NAALADL2: variants seen among roughly 807,000 people sequenced by gnomAD.
NAALADL2 encodes inactive N-acetylated-alpha-linked acidic dipeptidase-like protein 2.
Under a neutral mutation model 87.2 loss-of-function variants are expected in NAALADL2, and 76 were observed. The ratio of observed to expected loss-of-function variants is 0.87; its 90% CI spans 0.72 to 1.05. The LOEUF is 1.05. Ranked by LOEUF, NAALADL2 falls within the 50% of genes least tolerant of loss-of-function variation. The pLI, the probability that NAALADL2 is intolerant of heterozygous loss-of-function variation, is 0.00. For synonymous variants in NAALADL2, 354 were observed against 331.0 expected, an observed-to-expected ratio of 1.07 and a Z score of -0.75; for missense variants, 1,089 against 945.8, an observed-to-expected ratio of 1.15 and a Z score of -1.99.
intron 10 of NAALADL2, among the ~76,000 whole-genome samples, chr3:175,582,140 A>G (rs978092772): frequency 6.6e-6 from 1 of 152,184 alleles, no homozygotes; most frequent in African/African-American, 2.4e-5. Flanking sequence ...CCTGTCATAA[A>G]GGAAGCCTGT....
At chr3:174,447,987 A>G (rs747023430) in intron 1 of NAALADL2, among the ~76,000 whole-genome samples, 5 of 152,148 alleles carry the variant, frequency 3.3e-5, no homozygotes, top group South Asian at 2.1e-4. Context: ...GCTGTTATCT[A>G]TCTGCTTTGG....
intron 2 of NAALADL2, among the ~76,000 whole-genome samples, chr3:174,586,228 C>T (rs1716705645): frequency 6.6e-6 from 1 of 152,148 alleles, no homozygotes; most frequent in African/African-American, 2.4e-5. Context: ...AAATTAACTT[C>T]TTTAGAGATG....
intron 2 of NAALADL2, among the ~76,000 whole-genome samples, chr3:175,195,355 A>G (rs1171714141): frequency 6.6e-6 from 1 of 151,798 alleles, no homozygotes; most frequent in African/African-American, 2.4e-5. Flanking sequence ...TTAATATATC[A>G]TATGTTGGAT....
At chr3:175,525,033 C>T (rs1295829982) in intron 9 of NAALADL2, among the ~76,000 whole-genome samples, 1 of 151,994 alleles carries the variant, frequency 6.6e-6, no homozygotes, top group Admixed American at 6.6e-5. Context: ...GTGCATGTAA[C>T]TGAACAATCT....
intron 3 of NAALADL2, among the ~76,000 whole-genome samples, chr3:174,755,100 C>T (rs1711860447): frequency 6.6e-6 from 1 of 152,164 alleles, no homozygotes; most frequent in Non-Finnish European, 1.5e-5. Flanking sequence ...GGCGGTTTCC[C>T]TCATGCTGTT....
intron 1 of NAALADL2, among the ~76,000 whole-genome samples, chr3:175,082,399 C>G (rs937998928): frequency 1.3e-5 from 2 of 152,094 alleles, no homozygotes; most frequent in African/African-American, 2.4e-5. Flanking sequence ...ACTAATTTGA[C>G]TATCATAAAA....
At chr3:175,476,589 T>C (rs1464713612) in intron 9 of NAALADL2, among the ~76,000 whole-genome samples, 1 of 152,154 alleles carries the variant, frequency 6.6e-6, no homozygotes, top group Non-Finnish European at 1.5e-5. Context: ...CAAAAAACAG[T>C]ATTTCTCTTC....
At chr3:175,368,648 A>G (rs958529698) in intron 5 of NAALADL2, among the ~76,000 whole-genome samples, 1 of 151,738 alleles carries the variant, frequency 6.6e-6, no homozygotes, top group Non-Finnish European at 1.5e-5. Context: ...CCATTTAATA[A>G]TGGAGATGCT....
At chr3:174,833,380 C>T (rs1375521795) in intron 3 of NAALADL2, among the ~76,000 whole-genome samples, 1 of 152,016 alleles carries the variant, frequency 6.6e-6, no homozygotes, top group Non-Finnish European at 1.5e-5. Flanking sequence ...AACTTAACAG[C>T]CCTATTACAG....
chr3:175,770,556 G>A (rs1406198693), intron 13 of NAALADL2, among the ~76,000 whole-genome samples: 1 of 152,138 alleles, frequency 6.6e-6, no homozygotes, highest in Non-Finnish European at 1.5e-5. Flanking sequence ...ATAATTGCAT[G>A]CAAATAGTAA....
At chr3:174,996,509 A>T (rs1267440904) in intron 1 of NAALADL2, among the ~76,000 whole-genome samples, 1 of 151,888 alleles carries the variant, frequency 6.6e-6, no homozygotes, top group Non-Finnish European at 1.5e-5. Flanking sequence ...AAAAAAAAAA[A>T]AAGTACTGAA....
In NAALADL2 at chr3:175,282,869, A is replaced by T. The variant is rs112580483; in HGVS notation, c.939+26339A>T. 7.2e-3 allele frequency among the ~76,000 whole-genome samples: 1,081 copies of T among 149,634 alleles called. 23 individuals are homozygous for T. Among genetic ancestry groups the T allele is most frequent in the African/African-American group, 0.025 (1,021 of 41,030 alleles). The stretch of plus-strand genomic sequence containing the variant: ...TTTTATCTACTTTCAAGAATGAAGT[A>T]TACAGATACTACATCTGGTTTGGTA... On this transcript the variant is annotated intron_variant, in intron 4 of 13. Transcript: ENST00000454872.
At chr3:175,429,733 A>G (rs1007880318) in intron 5 of NAALADL2, among the ~76,000 whole-genome samples, 7 of 152,022 alleles carry the variant, frequency 4.6e-5, no homozygotes, top group Non-Finnish European at 8.8e-5. Flanking sequence ...TTAGAATACT[A>G]TTAGAATTAT....
At chr3:175,286,799 A>C (rs114962649) in intron 4 of NAALADL2, among the ~76,000 whole-genome samples, 2,360 of 152,266 alleles carry the variant, frequency 0.015, 60 homozygotes, top group African/African-American at 0.052. Flanking sequence ...CCATATTAAC[A>C]ATGTTATCTA....
At chr3:175,105,759 A>AT (rs80268104) in intron 2 of NAALADL2, among the ~76,000 whole-genome samples, 88,011 of 151,214 alleles carry the variant, frequency 0.58, 26,152 homozygotes, top group African/African-American at 0.71. Context: ...AAGATAGAAG[A>AT]TTTTTTTCTC....
chr3:174,569,063 A>C (rs1350833167), intron 2 of NAALADL2, among the ~76,000 whole-genome samples: 1 of 151,580 alleles, frequency 6.6e-6, no homozygotes, highest in Non-Finnish European at 1.5e-5. Context: ...AATTTTTCAA[A>C]ATTTCAGCCA....
At chr3:175,352,413 T>G (rs2148880030) in intron 5 of NAALADL2, among the ~76,000 whole-genome samples, 1 of 152,272 alleles carries the variant, frequency 6.6e-6, no homozygotes, top group Admixed American at 6.5e-5. Context: ...TGAGACCTCA[T>G]CTGTCAAATT....
chr3:174,755,808 C>G (rs930729950), intron 3 of NAALADL2, among the ~76,000 whole-genome samples: 1 of 152,172 alleles, frequency 6.6e-6, no homozygotes, highest in African/African-American at 2.4e-5. Flanking sequence ...AACTTCTATT[C>G]AAAATATCTA....
chr3:175,403,789 A>C (rs560391890), intron 5 of NAALADL2, among the ~76,000 whole-genome samples: 1 of 152,276 alleles, frequency 6.6e-6, no homozygotes, highest in East Asian at 1.9e-4. Flanking sequence ...TGGCTGCCAC[A>C]AAGATTTGGT....
Sources: gnomAD v4.1 joint callset for allele counts (sites outside exome capture counted in the v4.1 genomes callset) on GRCh38, gnomAD v4.1.1 for gene constraint, MANE v1.5 for transcripts, NCBI Gene and HGNC (gene_info 2026-07-23, HGNC 2026-07-21) for gene names.